Variants in PCLO observed in about 807,000 individuals in gnomAD.
PCLO encodes protein piccolo.
PCLO carries 82 observed loss-of-function variants against 427.5 expected under a neutral mutation model. The ratio of observed to expected loss-of-function variants is 0.19; its 90% CI spans 0.16 to 0.23. The LOEUF is 0.23. PCLO is among the 10% of genes least tolerant of loss of function. The probability of loss-of-function intolerance (pLI) is 1.00; values close to 1 mark genes in which losing one functional copy is unlikely to be tolerated. For missense variants in PCLO, 6,239 were observed against 6,115.9 expected, an observed-to-expected ratio of 1.02 and a Z score of -0.67; for synonymous variants, 2,357 against 2,155.4, an observed-to-expected ratio of 1.09 and a Z score of -2.59.
chr7:82,875,806 C>A (rs1793355359), intron 10 of PCLO, among the ~76,000 whole-genome samples: 2 of 151,852 alleles, frequency 1.3e-5, no homozygotes, highest in African/African-American at 2.4e-5. Flanking sequence ...AATTAAAAAT[C>A]AAAATAAAAC....
At chr7:82,993,819 T>C (rs1373600674) in intron 3 of PCLO, among the ~76,000 whole-genome samples, 2 of 152,114 alleles carry the variant, frequency 1.3e-5, no homozygotes, top group Non-Finnish European at 2.9e-5. Flanking sequence ...GAATGATATG[T>C]ATTCATGTAT....
At chr7:83,059,853 G>A (rs1789499959) in intron 3 of PCLO, among the ~76,000 whole-genome samples, 1 of 152,112 alleles carries the variant, frequency 6.6e-6, no homozygotes, top group Non-Finnish European at 1.5e-5. Flanking sequence ...TAACATGAAA[G>A]GAATTAAGGA....
intron 6 of PCLO, among the ~76,000 whole-genome samples, chr7:82,929,293 T>C (rs1794787687): frequency 6.6e-6 from 1 of 152,190 alleles, no homozygotes; most frequent in Non-Finnish European, 1.5e-5. Flanking sequence ...TAATCTCTAA[T>C]ACAACCTTAT....
chr7:82,776,928 A>ACT (rs1790766872), intron 22 of PCLO, among the ~76,000 whole-genome samples: 1 of 151,852 alleles, frequency 6.6e-6, no homozygotes. Context: ...ACACACACAC[A>ACT]CACATACACA....
chr7:82,769,149 A>G (rs1790594014), intron 22 of PCLO, among the ~76,000 whole-genome samples: 1 of 152,180 alleles, frequency 6.6e-6, no homozygotes, highest in Non-Finnish European at 1.5e-5. Flanking sequence ...TTCGCTTTAA[A>G]ACATTTTTGT....
intron 10 of PCLO, among the ~76,000 whole-genome samples, chr7:82,866,042 C>T (rs1436869077): frequency 6.6e-6 from 1 of 152,148 alleles, no homozygotes; most frequent in Non-Finnish European, 1.5e-5. Flanking sequence ...TTCACGTGTT[C>T]ACTCAGTTTC....
At chr7:83,043,822 C>A (rs1789029607) in intron 3 of PCLO, among the ~76,000 whole-genome samples, 3 of 150,618 alleles carry the variant, frequency 2.0e-5, no homozygotes, top group African/African-American at 7.3e-5. Context: ...TAATGGTTTA[C>A]TTTCCAATTA....
rs1316682081 is a variant in PCLO, at chr7:82,949,204, T to G, written c.11112+272A>C. On this transcript the variant is annotated intron_variant, in intron 6 of 24. Coordinates refer to ENST00000333891, the MANE Select transcript of PCLO (RefSeq NM_033026.6). ...CTTAAAATAATAAACTCATTTTGCT[T>G]CACATAATGTGTTTTCTTTCTTTGG... 2.0e-5 allele frequency among the ~76,000 whole-genome samples: 3 copies of G among 152,156 alleles called. No individual in the cohort carries two copies. The East Asian group carries it at 5.8e-4, about 29-fold the overall frequency.
intron 3 of PCLO, among the ~76,000 whole-genome samples, chr7:83,039,396 C>T (rs1163675084): frequency 1.3e-5 from 2 of 151,884 alleles, no homozygotes; most frequent in Admixed American, 1.3e-4. Context: ...CTGTATATAG[C>T]GTGAAGTTCC....
At chr7:83,051,941 T>A (rs1789264856) in intron 3 of PCLO, among the ~76,000 whole-genome samples, 1 of 152,042 alleles carries the variant, frequency 6.6e-6, no homozygotes, top group Non-Finnish European at 1.5e-5. Context: ...GGAGAAAGGA[T>A]GTTTTTTTTA....
intron 13 of PCLO, among the ~76,000 whole-genome samples, chr7:82,844,200 T>C (rs75466594): frequency 0.02 from 3,047 of 152,242 alleles, 58 homozygotes; most frequent in Middle Eastern, 0.061. Context: ...GGCTAGTTTA[T>C]GAATTATTTT....
chr7:82,919,640 C>T (rs932833179), intron 6 of PCLO, among the ~76,000 whole-genome samples: 1 of 151,642 alleles, frequency 6.6e-6, no homozygotes, highest in African/African-American at 2.4e-5. Flanking sequence ...ACAGCATTAA[C>T]GGCTAGTTGA....
At chr7:83,159,433 G>C (rs1792379591) in intron 1 of PCLO, among the ~76,000 whole-genome samples, 1 of 151,884 alleles carries the variant, frequency 6.6e-6, no homozygotes, top group African/African-American at 2.4e-5. Flanking sequence ...TAAATAGAAA[G>C]AGTAGAAAAA....
chr7:82,940,831 C>T (rs6948432), intron 6 of PCLO, among the ~76,000 whole-genome samples: 1 of 140,114 alleles, frequency 7.1e-6, no homozygotes, highest in South Asian at 2.3e-4. Flanking sequence ...GGTGAGATCT[C>T]GGCTCACTGC....
intron 22 of PCLO, among the ~76,000 whole-genome samples, chr7:82,785,822 G>T (rs933594288): frequency 6.6e-6 from 1 of 152,176 alleles, no homozygotes; most frequent in Non-Finnish European, 1.5e-5. Flanking sequence ...TGCAGAGCCT[G>T]TGTGGAAGAC....
At chr7:82,775,089 T>A (rs766025360) in intron 22 of PCLO, among the ~76,000 whole-genome samples, 5 of 152,222 alleles carry the variant, frequency 3.3e-5, no homozygotes, top group Non-Finnish European at 7.3e-5. Context: ...TATTGAACAA[T>A]ATTCCATTGT....
intron 3 of PCLO, among the ~76,000 whole-genome samples, chr7:83,121,715 G>A (rs1791284857): frequency 1.3e-5 from 2 of 151,888 alleles, no homozygotes; most frequent in South Asian, 4.1e-4. Flanking sequence ...AAAAAAGCAT[G>A]GATTGCTATA....
chr7:82,771,187 T>C (rs992947078), intron 22 of PCLO, among the ~76,000 whole-genome samples: 1 of 151,942 alleles, frequency 6.6e-6, no homozygotes, highest in Admixed American at 6.6e-5. Flanking sequence ...GAAAATTGTA[T>C]GAAAATGGAG....
At chr7:83,070,228 T>C (rs1287572949) in intron 3 of PCLO, among the ~76,000 whole-genome samples, 2 of 152,074 alleles carry the variant, frequency 1.3e-5, no homozygotes, top group African/African-American at 2.4e-5. Context: ...AGTCTGGAAG[T>C]AGAACCTCTA....
Sources: allele counts gnomAD v4.1 joint callset (sites outside exome capture counted in the v4.1 genomes callset), GRCh38; gene constraint gnomAD v4.1.1; transcripts MANE v1.5; gene names NCBI Gene and HGNC (gene_info 2026-07-23, HGNC 2026-07-21).